The following SPMIP4 variants were observed in gnomAD, a reference collection of about 807,000 sequenced individuals.
SPMIP4 encodes sperm microtubule inner protein 4.
the SPMIP4 span, among the ~76,000 whole-genome samples, chr7:25,175,092 T>C: frequency 6.6e-6 from 1 of 152,078 alleles, no homozygotes; most frequent in African/African-American, 2.4e-5. Context: ...AAAATGCAGA[T>C]TCCCTTGCAC....
At chr7:25,141,574 G>GGA in the SPMIP4 span, among the ~76,000 whole-genome samples, 1 of 94,962 alleles carries the variant, frequency 1.1e-5, no homozygotes, top group African/African-American at 4.2e-5. Flanking sequence ...CTGTCTCAAG[G>GGA]AAAAAAAAAA....
chr7:25,157,431 C>T, the SPMIP4 span, among the ~76,000 whole-genome samples: 132 of 151,844 alleles, frequency 8.7e-4, no homozygotes, highest in Non-Finnish European at 1.5e-3. Context: ...GTGTGTGCAG[C>T]GGGGAAACCT....
At chr7:25,151,636 T>C in the SPMIP4 span, 11 of 1,612,088 alleles carry the variant, frequency 6.8e-6, no homozygotes, top group Admixed American at 1.8e-4. Context: ...CAGTGCTTTC[T>C]TCTTTGAATC....
the SPMIP4 span, among the ~76,000 whole-genome samples, chr7:25,129,881 CAGA>C: frequency 6.6e-6 from 1 of 151,926 alleles, no homozygotes. Flanking sequence ...GCCAGCCAAG[CAGA>C]AGGATGGGAG....
At chr7:25,161,329 A>C in the SPMIP4 span, 1 of 803,362 alleles carries the variant, frequency 1.2e-6, no homozygotes, top group East Asian at 2.8e-5. Flanking sequence ...GAGATAGTAA[A>C]AGACAAATAG....
chr7:25,175,941 G>A, the SPMIP4 span, among the ~76,000 whole-genome samples: 1 of 152,166 alleles, frequency 6.6e-6, no homozygotes, highest in Admixed American at 6.5e-5. Context: ...AAGAGGAGGG[G>A]TTCTGAGAAC....
chr7:25,146,974 C>T, the SPMIP4 span, among the ~76,000 whole-genome samples: 1 of 152,232 alleles, frequency 6.6e-6, no homozygotes, highest in South Asian at 2.1e-4. Flanking sequence ...AGCAATGAAA[C>T]CAACAGCCCA....
the SPMIP4 span, among the ~76,000 whole-genome samples, chr7:25,148,024 T>G: frequency 0.6 from 91,425 of 152,094 alleles, 28,596 homozygotes; most frequent in Non-Finnish European, 0.69. Context: ...GCAGCTAAGT[T>G]ACACATTTTT....
At chr7:25,158,922 C>G in the SPMIP4 span, among the ~76,000 whole-genome samples, 35 of 151,574 alleles carry the variant, frequency 2.3e-4, no homozygotes, top group African/African-American at 8.2e-4. Flanking sequence ...AGATAATGTT[C>G]TTGATTAACT....
the SPMIP4 span, among the ~76,000 whole-genome samples, chr7:25,129,679 C>G: frequency 6.6e-6 from 1 of 151,952 alleles, no homozygotes; most frequent in Non-Finnish European, 1.5e-5. Context: ...ATGTCGGGGG[C>G]AATTCCTGGA....
chr7:25,155,146 T>C, the SPMIP4 span: 1 of 1,607,434 alleles, frequency 6.2e-7, no homozygotes, highest in South Asian at 1.1e-5. Context: ...CCGCGACAGA[T>C]GTGTGTGTGG....
At chr7:25,145,168 T>G in the SPMIP4 span, among the ~76,000 whole-genome samples, 1 of 152,132 alleles carries the variant, frequency 6.6e-6, no homozygotes, top group African/African-American at 2.4e-5. Flanking sequence ...TCACCATGGT[T>G]GGCCAGGCTG....
the SPMIP4 span, chr7:25,135,973 C>T: frequency 6.3e-7 from 1 of 1,586,396 alleles, no homozygotes; most frequent in Admixed American, 1.9e-5. Flanking sequence ...ATGAGTATCT[C>T]AATTATAGAA....
At chr7:25,151,186 AT>A in the SPMIP4 span, among the ~76,000 whole-genome samples, 1 of 151,870 alleles carries the variant, frequency 6.6e-6, no homozygotes, top group South Asian at 2.1e-4. Context: ...AAAATCTCAA[AT>A]TTTACATTCA....
chr7:25,165,046 C>T, the SPMIP4 span, among the ~76,000 whole-genome samples: 1 of 152,030 alleles, frequency 6.6e-6, no homozygotes, highest in Non-Finnish European at 1.5e-5. Context: ...GGGCTGGTTC[C>T]GTATTTTTGC....
the SPMIP4 span, among the ~76,000 whole-genome samples, chr7:25,176,204 T>C: frequency 6.6e-6 from 1 of 152,218 alleles, no homozygotes; most frequent in Non-Finnish European, 1.5e-5. This position sits in a 1 kb window ranked among gnomAD's most constrained non-coding sequence, Gnocchi z 4.4. Context: ...TAACCAACTA[T>C]AGGACCGTTT....
the SPMIP4 span, among the ~76,000 whole-genome samples, chr7:25,177,492 A>C: frequency 3.3e-5 from 5 of 152,104 alleles, no homozygotes; most frequent in African/African-American, 4.8e-5. Context: ...ATAAAAAAAA[A>C]ACAAAAAAAC....
the SPMIP4 span, among the ~76,000 whole-genome samples, chr7:25,147,635 G>A: frequency 2.6e-5 from 4 of 152,116 alleles, no homozygotes; most frequent in Non-Finnish European, 5.9e-5. Flanking sequence ...ATGAAGCCCC[G>A]GGACTTAATT....
the SPMIP4 span, among the ~76,000 whole-genome samples, chr7:25,156,262 G>A: frequency 6.6e-6 from 1 of 152,060 alleles, no homozygotes; most frequent in Admixed American, 6.5e-5. Context: ...GGAGAGGCAC[G>A]GGACAGAGTC....
Sources: gnomAD v4.1 joint callset for allele counts (sites outside exome capture counted in the v4.1 genomes callset) on GRCh38, gnomAD v4.1.1 for gene constraint, Gnocchi (gnomAD v3.1) non-coding constraint, MANE v1.5 for transcripts, NCBI Gene and HGNC (gene_info 2026-07-23, HGNC 2026-07-21) for gene names.